CBL: variants seen among roughly 807,000 people sequenced by gnomAD.
The protein encoded by CBL is E3 ubiquitin-protein ligase CBL.
Under a neutral mutation model 96.9 loss-of-function variants are expected in CBL, and 45 were observed. The observed-to-expected ratio is 0.46, with a 90% CI of 0.37 to 0.60. CBL has a LOEUF of 0.60. Ranked by LOEUF, CBL falls within the 20% of genes least tolerant of loss-of-function variation. The probability of loss-of-function intolerance (pLI) is 0.00; values close to 1 mark genes in which losing one functional copy is unlikely to be tolerated. For synonymous variants in CBL, 420 were observed against 426.8 expected (o/e 0.98, Z 0.20); for missense variants, 1,024 against 1,143.5 (o/e 0.90, Z 1.51).
chr11:119,281,110 G>A (rs1949929958), intron 9 of CBL, among the ~76,000 whole-genome samples: 1 of 152,100 alleles, frequency 6.6e-6, no homozygotes, highest in South Asian at 2.1e-4. Context: ...CTGCTTTGTA[G>A]GAAATAGGAG....
Position 119,296,967 on chromosome 11 carries a change from G to A in CBL, c.2086G>A (p.Glu696Lys), listed in dbSNP as rs539217274. 13 of 1,612,628 alleles carry A rather than the reference G, an allele frequency of 8.1e-6. 1 individual carries two copies. The East Asian group carries it at 1.8e-4, about 22-fold the overall frequency. The change falls in exon 13 of 16, where the codon GAG (glutamate) becomes AAG (lysine). Residue 696 changes from glutamate to lysine, a missense_variant. Glu to Lys is a moderately conservative substitution (Grantham distance 56, BLOSUM62 1). Transcript: ENST00000264033. ...LPPGEQCEGE[E>K]DTEYMTPSSR... Reference sequence around the variant, plus strand: ...ACCTGGGGAGCAATGTGAGGGTGAAGAGGACACAGAGTACATGACTCCCTC... The same window carrying A: ...ACCTGGGGAGCAATGTGAGGGTGAAAAGGACACAGAGTACATGACTCCCTC...
chr11:119,282,940 A>C (rs1296759837), intron 9 of CBL, among the ~76,000 whole-genome samples: 3 of 146,976 alleles, frequency 2.0e-5, no homozygotes, highest in East Asian at 2.2e-4. Context: ...CCGCGCCCCA[A>C]AAAAAAAAAA....
rs539584266 is a variant in CBL at position 119,263,646 on chromosome 11, CGTTTTGTTTT to C, written c.444-8068_444-8059del. 8.9e-4 allele frequency among the ~76,000 whole-genome samples: 135 copies of C among 152,116 alleles called. 1 individual carries two copies. Among genetic ancestry groups the C allele is most frequent in the African/African-American group, 2.8e-3 (118 of 41,492 alleles). ...AACTCCTTTTGTAGGTGATGGTTTT[CGTTTTGTTTT>C]GTTTTGTTTTGTTTTGTTTTTTAAC... On this transcript the variant is annotated intron_variant, in intron 2 of 15. Transcript: ENST00000264033.
At chr11:119,265,160 T>C (rs561920595) in intron 2 of CBL, among the ~76,000 whole-genome samples, 2 of 152,328 alleles carry the variant, frequency 1.3e-5, no homozygotes, top group South Asian at 4.1e-4. Flanking sequence ...GGATTACAAG[T>C]GTGAGCTGCT....
In CBL at chr11:119,300,984, T is replaced by C. The variant is rs189808374; in HGVS notation, c.*1203T>C. On this transcript the variant is annotated 3_prime_UTR_variant, in exon 16 of 16. Coordinates refer to ENST00000264033, the MANE Select transcript of CBL (RefSeq NM_005188.4). ...TTTGAACATGAGGAATATTAGGTTA[T>C]ATTTTCAGCAGTGGTTTTTTCCTTT... The C allele has an allele frequency of 5.0e-4, 118 of 235,598 alleles. No homozygotes were observed. Among genetic ancestry groups the C allele is most frequent in the African/African-American group, 2.5e-3 (112 of 45,564 alleles). The allele number at this position is 235,598 out of a possible 1,614,324, so 14.6% of individuals were successfully genotyped here. A position where few individuals can be genotyped will look rare whatever the true frequency, so the allele number is the denominator to read the frequency against.
Position 119,221,400 on chromosome 11 carries a change from A to C in CBL, c.196-11048A>C, listed in dbSNP as rs1240944438. Among the ~76,000 whole-genome samples, 11 of 152,140 alleles carry C rather than the reference A, an allele frequency of 7.2e-5. 1 individual carries two copies. Among genetic ancestry groups the C allele is most frequent in the Non-Finnish European group, 1.6e-4 (11 of 68,020 alleles). ...GACCCCATCTCTATTTTTATTTAAA[A>C]ATTAAACCAAAAACAAAAAAGGATG... is the stretch of plus-strand genomic sequence containing the variant. On this transcript the variant is annotated intron_variant, in intron 1 of 15. Transcript: ENST00000264033.
chr11:119,232,416 A>G (rs1949510313), intron 1 of CBL, 32 bp from the exon 2 acceptor site: 1 of 1,610,294 alleles, frequency 6.2e-7, no homozygotes, highest in Non-Finnish European at 8.5e-7. Context: ...AAAATTCTCC[A>G]AGTAATAGCC....
rs1565870486 is a variant in CBL, at chr11:119,272,013, G to T, written c.590+132G>T. ...GTAATATATGTGTATGTATTTCCTG[G>T]CTTTGGTTAAATATTAAGTTTTTGC... On this transcript the variant is annotated intron_variant, in intron 3 of 15. Transcript: ENST00000264033. 12 of 832,990 alleles carry T rather than the reference G, an allele frequency of 1.4e-5. No homozygotes were observed. The South Asian group carries it at 1.5e-4, about 10-fold the overall frequency. 51.6% of individuals were successfully genotyped at this position (832,990 alleles called of 1,614,324 possible).
intron 1 of CBL, among the ~76,000 whole-genome samples, chr11:119,221,935 A>G (rs1456414215): frequency 1.3e-5 from 2 of 152,190 alleles, no homozygotes; most frequent in African/African-American, 2.4e-5. Flanking sequence ...GAGGTTGTAT[A>G]GCCAGTTAAT....
At chr11:119,237,723 GTTTCA>G (rs1949555993) in intron 2 of CBL, among the ~76,000 whole-genome samples, 1 of 152,146 alleles carries the variant, frequency 6.6e-6, no homozygotes, top group South Asian at 2.1e-4. Flanking sequence ...TGGACTCTCA[GTTTCA>G]TTTCATTAAT....
Position 119,232,594 on chromosome 11 carries a change from T to G in CBL, c.342T>G (p.Tyr114Ter). ...GKMETLGENEYFRVFMENLMK... is the reference protein window; with the variant it reads ...GKMETLGENE ...TGGAGACACTTGGAGAAAATGAGTA[T>G]TTTAGGGTGTTTATGGAGAATTTGA... Residue 114 changes from tyrosine (Y) to a stop codon, truncating the protein, a stop_gained, in exon 2 of 16, where the codon TAT (tyrosine) becomes TAG (stop). Coordinates refer to ENST00000264033, the MANE Select transcript of CBL (RefSeq NM_005188.4). LOFTEE classifies it high-confidence loss of function. 6.2e-7 allele frequency: 1 copy of G among 1,614,008 alleles called. No individual in the cohort carries two copies. Among genetic ancestry groups the G allele is most frequent in the Non-Finnish European group, 8.5e-7 (1 of 1,179,920 alleles).
intron 11 of CBL, among the ~76,000 whole-genome samples, chr11:119,286,341 T>C (rs1015653205): frequency 6.6e-6 from 1 of 152,178 alleles, no homozygotes; most frequent in African/African-American, 2.4e-5. Context: ...TGAGGCAGTT[T>C]GTAAATATTG....
chr11:119,299,403 C>T, intron 15 of CBL, 92 bp from the exon 16 acceptor site: 1 of 1,191,464 alleles, frequency 8.4e-7, no homozygotes, highest in Non-Finnish European at 1.2e-6. Context: ...TACAGGAAGT[C>T]AGTAATATCT....
rs987818606 is a variant in CBL, at chr11:119,305,497, C to T, written c.*5716C>T. On this transcript the variant is annotated 3_prime_UTR_variant, in exon 16 of 16. Transcript: ENST00000264033. ...CTGGGCTTGTGGCCTGTCTCCTCCA[C>T]TCTCCTCCTCACCCTCTCGCTCCTT... 4 of 230,902 alleles carry T rather than the reference C, an allele frequency of 1.7e-5. No individual in the cohort carries two copies. The highest frequency in any genetic ancestry group is 8.9e-5 in the African/African-American group (4 of 45,176). The allele number at this position is 230,902 out of a possible 1,614,324, so 14.3% of individuals were successfully genotyped here.
At chr11:119,221,587 G>GA (rs1194644761) in intron 1 of CBL, among the ~76,000 whole-genome samples, 1 of 151,926 alleles carries the variant, frequency 6.6e-6, no homozygotes, top group Non-Finnish European at 1.5e-5. Flanking sequence ...CCAATATGGT[G>GA]AAACCCCCTC....
At chr11:119,232,183 G>A (rs1026130561) in intron 1 of CBL, among the ~76,000 whole-genome samples, 5 of 152,276 alleles carry the variant, frequency 3.3e-5, no homozygotes, top group Admixed American at 2.6e-4. Context: ...GATTTATGTG[G>A]ATGTTTTCCC....
At chr11:119,225,285 CG>C (rs1052002102) in intron 1 of CBL, among the ~76,000 whole-genome samples, 6 of 152,078 alleles carry the variant, frequency 3.9e-5, no homozygotes, top group South Asian at 2.1e-4. Flanking sequence ...TTAGTAGAAA[CG>C]GGGTTTCATC....
intron 9 of CBL, among the ~76,000 whole-genome samples, chr11:119,282,560 A>G (rs1949945259): frequency 1.3e-5 from 2 of 152,218 alleles, no homozygotes; most frequent in Admixed American, 1.3e-4. Context: ...TGAATAGAGC[A>G]GCGTTGATGC....
At position 119,212,701 on chromosome 11, in the gene CBL, A is replaced by G. The variant is rs374548466; in HGVS notation, c.195+6089A>G. On this transcript the variant is annotated intron_variant, in intron 1 of 15. Coordinates refer to ENST00000264033, the MANE Select transcript of CBL (RefSeq NM_005188.4). Reference sequence around the variant, plus strand: ...TTTTTATTCATTATTATTAACTAGTAGTATTTTTAAAAATAGAGACAGGGT... The same window carrying G: ...TTTTTATTCATTATTATTAACTAGTGGTATTTTTAAAAATAGAGACAGGGT... 1.5e-4 allele frequency among the ~76,000 whole-genome samples: 22 copies of G among 151,590 alleles called. No individual in the cohort carries two copies. The South Asian group carries it at 1.5e-3, about 10-fold the overall frequency.
Sources: gnomAD v4.1 joint callset for allele counts (sites outside exome capture counted in the v4.1 genomes callset) on GRCh38, gnomAD v4.1.1 for gene constraint, MANE v1.5 for transcripts, NCBI Gene and HGNC (gene_info 2026-07-23, HGNC 2026-07-21) for gene names.